Variants in GRID2 observed in about 807,000 individuals in gnomAD.
GRID2 encodes glutamate receptor ionotropic, delta-2.
In GRID2, 33 loss-of-function variants were observed where a neutral mutation model predicts 114.8. The observed-to-expected ratio is 0.29, with a 90% CI of 0.22 to 0.38. The LOEUF (loss-of-function observed/expected upper bound fraction) is 0.38. Ranked by LOEUF, GRID2 falls within the 10% of genes least tolerant of loss-of-function variation. The probability of loss-of-function intolerance (pLI) is 1.00; values close to 1 mark genes in which losing one functional copy is unlikely to be tolerated. For synonymous variants in GRID2, 505 were observed against 449.9 expected (o/e 1.12, Z -1.55); for missense variants, 1,184 against 1,257.7 (o/e 0.94, Z 0.89).
At chr4:92,669,811 T>C (rs115695585) in intron 2 of GRID2, among the ~76,000 whole-genome samples, 1,755 of 152,132 alleles carry the variant, frequency 0.012, 32 homozygotes, top group African/African-American at 0.04. Flanking sequence ...CTTTCAATTT[T>C]GTATTCAAAA....
intron 1 of GRID2, among the ~76,000 whole-genome samples, chr4:92,524,491 C>T (rs112198054): frequency 2.0e-5 from 3 of 147,428 alleles, no homozygotes; most frequent in Non-Finnish European, 4.4e-5. Flanking sequence ...CTCACTGTCA[C>T]CAATGGTCAG....
chr4:92,338,409 G>T (rs1451623953), intron 1 of GRID2, among the ~76,000 whole-genome samples: 1 of 152,032 alleles, frequency 6.6e-6, no homozygotes, highest in Non-Finnish European at 1.5e-5. Context: ...ACTTTTAAAG[G>T]TCTAAATATT....
At chr4:92,647,969 A>G (rs1237345834) in intron 2 of GRID2, among the ~76,000 whole-genome samples, 1 of 149,746 alleles carries the variant, frequency 6.7e-6, no homozygotes, top group East Asian at 1.9e-4. Context: ...TCATTTTGTT[A>G]TACAGATTAA....
intron 8 of GRID2, among the ~76,000 whole-genome samples, chr4:93,361,740 A>C (rs1761897779): frequency 6.6e-6 from 1 of 152,114 alleles, no homozygotes; most frequent in South Asian, 2.1e-4. Context: ...CATTTGAATG[A>C]AAGACAGACA....
intron 2 of GRID2, among the ~76,000 whole-genome samples, chr4:92,735,708 A>C (rs1736558622): frequency 1.3e-5 from 2 of 152,234 alleles, no homozygotes; most frequent in African/African-American, 4.8e-5. Flanking sequence ...AATGTTTCCT[A>C]GAAAATTTTA....
intron 2 of GRID2, among the ~76,000 whole-genome samples, chr4:93,080,030 A>C (rs1365850425): frequency 6.6e-6 from 1 of 152,170 alleles, no homozygotes; most frequent in East Asian, 1.9e-4. Context: ...AATTTGTTCC[A>C]GATGATTTTA....
At chr4:93,091,043 C>T (rs944722112) in intron 3 of GRID2, among the ~76,000 whole-genome samples, 2 of 152,068 alleles carry the variant, frequency 1.3e-5, no homozygotes, top group African/African-American at 4.8e-5. Context: ...AATAAAATTC[C>T]ATTGGAACTC....
chr4:92,856,312 A>T (rs1373532073), intron 2 of GRID2, among the ~76,000 whole-genome samples: 2 of 151,910 alleles, frequency 1.3e-5, no homozygotes, highest in Admixed American at 6.6e-5. Context: ...TCAGGCCATT[A>T]TTTACCAAAA....
intron 2 of GRID2, among the ~76,000 whole-genome samples, chr4:92,708,194 T>C (rs891044904): frequency 1.3e-5 from 2 of 152,184 alleles, no homozygotes; most frequent in African/African-American, 4.8e-5. Context: ...AAGGCAGTTT[T>C]ACTTAAATTT....
At chr4:93,135,178 A>G (rs1735133044) in intron 4 of GRID2, among the ~76,000 whole-genome samples, 1 of 152,148 alleles carries the variant, frequency 6.6e-6, no homozygotes, top group South Asian at 2.1e-4. Flanking sequence ...ACATTAGTAA[A>G]ATGTTCGGTG....
At chr4:92,719,080 G>A (rs1023166793) in intron 2 of GRID2, among the ~76,000 whole-genome samples, 11 of 151,848 alleles carry the variant, frequency 7.2e-5, no homozygotes, top group African/African-American at 1.9e-4. Context: ...TCTGCCTTCG[G>A]GGTTCAAACT....
intron 8 of GRID2, 84 bp from the exon 9 acceptor site, chr4:93,395,523 C>G (rs1039054275): frequency 1.5e-6 from 1 of 677,056 alleles, no homozygotes; most frequent in South Asian, 1.8e-5. Context: ...TAAGAGCTAT[C>G]ACATAGTTCT....
intron 4 of GRID2, among the ~76,000 whole-genome samples, chr4:93,118,269 T>A (rs980962929): frequency 2.0e-5 from 3 of 152,196 alleles, no homozygotes; most frequent in African/African-American, 7.2e-5. Flanking sequence ...TCATGGTTGT[T>A]GGCTCATATA....
At position 92,714,465 on chromosome 4, in the gene GRID2, A is replaced by G. The variant is rs189198450; in HGVS notation, c.244+124179A>G. Among the ~76,000 whole-genome samples, 1,220 of 152,266 alleles carry G rather than the reference A, an allele frequency of 8.0e-3. 19 individuals are homozygous for G. The highest frequency in any genetic ancestry group is 0.028 in the African/African-American group (1,170 of 41,558). ...ATGGTAGCCCTCTTCTCACAGCTCC[A>G]CTAGGCAGTGCCCCAGTGGGGACTC... On this transcript the variant is annotated intron_variant, in intron 2 of 15. Transcript: ENST00000282020.
chr4:93,101,480 C>T (rs1461881646), intron 3 of GRID2, among the ~76,000 whole-genome samples: 1 of 152,032 alleles, frequency 6.6e-6, no homozygotes, highest in East Asian at 1.9e-4. Context: ...ATGAATTTCA[C>T]TTTTATATGT....
Position 93,675,966 on chromosome 4 carries a change from A to G in GRID2, c.2360+49531A>G, listed in dbSNP as rs570615506. Among the ~76,000 whole-genome samples, 3 of 152,336 alleles carry G rather than the reference A, an allele frequency of 2.0e-5. No individual in the cohort carries two copies. The East Asian group carries it at 5.8e-4, about 29-fold the overall frequency. On this transcript the variant is annotated intron_variant, in intron 14 of 15. Coordinates refer to ENST00000282020, the MANE Select transcript of GRID2 (RefSeq NM_001510.4). ...CTTCAACTGGATAATGTTAATGTTT[A>G]TTGGCACTTAATAGCCTTAGACAGG...
chr4:92,975,427 C>T (rs1024936517), intron 2 of GRID2, among the ~76,000 whole-genome samples: 3 of 151,918 alleles, frequency 2.0e-5, no homozygotes, highest in South Asian at 2.1e-4. Flanking sequence ...TGCAATTTGC[C>T]TTCCTAACCT....
chr4:92,622,199 G>C (rs1227451822), intron 2 of GRID2, among the ~76,000 whole-genome samples: 3 of 151,704 alleles, frequency 2.0e-5, no homozygotes, highest in African/African-American at 7.2e-5. Context: ...TTCATAGCAA[G>C]AATCTGTAAG....
chr4:92,482,716 G>C (rs1265996743), intron 1 of GRID2, among the ~76,000 whole-genome samples: 1 of 152,088 alleles, frequency 6.6e-6, no homozygotes, highest in African/African-American at 2.4e-5. Context: ...GCTTGTGATT[G>C]ACTTGTCTCT....
Sources: gnomAD v4.1 joint callset for allele counts (sites outside exome capture counted in the v4.1 genomes callset) on GRCh38, gnomAD v4.1.1 for gene constraint, MANE v1.5 for transcripts, NCBI Gene and HGNC (gene_info 2026-07-23, HGNC 2026-07-21) for gene names.